LPAR3: variants seen among roughly 807,000 people sequenced by gnomAD.
LPAR3 encodes the protein LPA receptor 3.
LPAR3 carries 7 observed loss-of-function variants against 17.8 expected under a neutral mutation model. The observed-to-expected ratio is 0.39, with a 90% CI of 0.22 to 0.74. The LOEUF (loss-of-function observed/expected upper bound fraction) is 0.74. LPAR3 is among the 30% of genes least tolerant of loss of function. LPAR3 has a pLI of 0.40. For synonymous variants in LPAR3, 179 were observed against 179.9 expected (o/e 0.99, Z 0.04); for missense variants, 391 against 453.4 (o/e 0.86, Z 1.25).
chr1:84,848,033 C>T (rs762069068), intron 2 of LPAR3, among the ~76,000 whole-genome samples: 2 of 152,190 alleles, frequency 1.3e-5, no homozygotes, highest in Non-Finnish European at 2.9e-5. Flanking sequence ...GGTCTGTCTG[C>T]AGCACTCCCT....
intron 1 of LPAR3, among the ~76,000 whole-genome samples, chr1:84,868,604 T>C (rs1293506218): frequency 1.3e-5 from 2 of 152,162 alleles, no homozygotes; most frequent in Non-Finnish European, 2.9e-5. Flanking sequence ...AAAATTCATG[T>C]TGACACCTAA....
chr1:84,851,845 C>T (rs1659720000), intron 2 of LPAR3, among the ~76,000 whole-genome samples: 1 of 152,064 alleles, frequency 6.6e-6, no homozygotes, highest in Non-Finnish European at 1.5e-5. Context: ...TGGGCTTTAT[C>T]CAGTTTGGAA....
intron 2 of LPAR3, among the ~76,000 whole-genome samples, chr1:84,863,986 C>T (rs772844312): frequency 1.8e-4 from 27 of 151,978 alleles, no homozygotes; most frequent in South Asian, 4.2e-4. Flanking sequence ...CCGAGGCAGG[C>T]GGATGGCTTC....
intron 2 of LPAR3, among the ~76,000 whole-genome samples, chr1:84,817,286 CA>C (rs1466352355): frequency 4.6e-5 from 7 of 151,792 alleles, no homozygotes; most frequent in Non-Finnish European, 8.8e-5. Context: ...CACACACACA[CA>C]CACACCCCTC....
intron 1 of LPAR3, among the ~76,000 whole-genome samples, chr1:84,874,442 C>A (rs1660217635): frequency 6.6e-6 from 1 of 152,150 alleles, no homozygotes; most frequent in African/African-American, 2.4e-5. Flanking sequence ...ACAGCTTCTA[C>A]CCTAGGACTT....
intron 2 of LPAR3, among the ~76,000 whole-genome samples, chr1:84,840,037 C>T (rs1387725832): frequency 6.6e-6 from 1 of 152,312 alleles, no homozygotes; most frequent in East Asian, 1.9e-4. Flanking sequence ...CTCCTCCCAC[C>T]TCAGCCTCCC....
chr1:84,870,308 G>T (rs1660135341), intron 1 of LPAR3, among the ~76,000 whole-genome samples: 1 of 152,122 alleles, frequency 6.6e-6, no homozygotes, highest in East Asian at 1.9e-4. Flanking sequence ...TTCTTTTGTT[G>T]CTTAAGAATT....
chr1:84,827,767 G>T (rs934959149), intron 2 of LPAR3, among the ~76,000 whole-genome samples: 3 of 152,138 alleles, frequency 2.0e-5, no homozygotes, highest in African/African-American at 7.2e-5. Flanking sequence ...CATGAATAAA[G>T]CACATTGAAA....
intron 2 of LPAR3, among the ~76,000 whole-genome samples, chr1:84,821,295 T>C (rs1659049076): frequency 6.6e-6 from 1 of 152,060 alleles, no homozygotes; most frequent in South Asian, 2.1e-4. Flanking sequence ...ATCTTCATAC[T>C]CCAAACACCC....
chr1:84,889,730 T>C (rs1660519676), intron 1 of LPAR3, among the ~76,000 whole-genome samples: 1 of 152,136 alleles, frequency 6.6e-6, no homozygotes, highest in South Asian at 2.1e-4. Flanking sequence ...CAAAACATGC[T>C]TGTGGAGATA....
intron 1 of LPAR3, among the ~76,000 whole-genome samples, chr1:84,885,729 C>T (rs1287579540): frequency 2.0e-5 from 3 of 152,018 alleles, no homozygotes; most frequent in Non-Finnish European, 4.4e-5. Context: ...GCCTGGCAGC[C>T]GAGGACAAGA....
At chr1:84,891,446 G>A (rs1163715389) in intron 1 of LPAR3, among the ~76,000 whole-genome samples, 1 of 152,172 alleles carries the variant, frequency 6.6e-6, no homozygotes, top group African/African-American at 2.4e-5. Context: ...GACTGGCAGG[G>A]TTTGCTCGCT....
intron 1 of LPAR3, among the ~76,000 whole-genome samples, chr1:84,892,212 CAA>C (rs945298062): frequency 5.0e-5 from 6 of 119,350 alleles, no homozygotes; most frequent in Non-Finnish European, 1.1e-4. Context: ...GACTGTGTCT[CAA>C]AAATAAATAA....
chr1:84,844,243 CT>C (rs1659557958), intron 2 of LPAR3, among the ~76,000 whole-genome samples: 1 of 152,242 alleles, frequency 6.6e-6, no homozygotes, highest in Non-Finnish European at 1.5e-5. Flanking sequence ...TTAATTTACT[CT>C]TCTATGCTTC....
intron 2 of LPAR3, among the ~76,000 whole-genome samples, chr1:84,849,955 G>A (rs1266520456): frequency 1.3e-5 from 2 of 152,040 alleles, no homozygotes; most frequent in African/African-American, 2.4e-5. Context: ...TCGGATGGGC[G>A]GCCCTGTGTG....
chr1:84,825,706 T>A (rs1351860468), intron 2 of LPAR3, among the ~76,000 whole-genome samples: 1 of 152,200 alleles, frequency 6.6e-6, no homozygotes, highest in Non-Finnish European at 1.5e-5. Context: ...AATGCACCTC[T>A]GTTTAAAAAT....
chr1:84,857,444 C>T (rs1659850260), intron 2 of LPAR3, among the ~76,000 whole-genome samples: 1 of 152,122 alleles, frequency 6.6e-6, no homozygotes, highest in Non-Finnish European at 1.5e-5. Flanking sequence ...TTGGAATTGA[C>T]AAAGCTAGGA....
intron 2 of LPAR3, among the ~76,000 whole-genome samples, chr1:84,840,515 GA>G (rs1659486212): frequency 6.6e-6 from 1 of 152,054 alleles, no homozygotes; most frequent in African/African-American, 2.4e-5. Context: ...CCCTGAAGAG[GA>G]AACAATCCAG....
rs532392570 is a variant in LPAR3 at position 84,861,604 on chromosome 1, T to C, written c.736+3781A>G. 9.8e-5 allele frequency among the ~76,000 whole-genome samples: 15 copies of C among 152,308 alleles called. No individual in the cohort carries two copies. The South Asian group carries it at 1.9e-3, about 19-fold the overall frequency. ...ATCACCCTTGTAGAAAATGAAAGAATTGGGGGTAAAACCCAAATCTTTCTG... is the reference window on the plus strand; with the variant it reads ...ATCACCCTTGTAGAAAATGAAAGAACTGGGGGTAAAACCCAAATCTTTCTG... On this transcript the variant is annotated intron_variant, in intron 2 of 2. Transcript: ENST00000370611.
Sources: gnomAD v4.1 joint callset for allele counts (sites outside exome capture counted in the v4.1 genomes callset) on GRCh38, gnomAD v4.1.1 for gene constraint, MANE v1.5 for transcripts, NCBI Gene and HGNC (gene_info 2026-07-23, HGNC 2026-07-21) for gene names.